KLHL20: variants seen among roughly 807,000 people sequenced by gnomAD.
The protein encoded by KLHL20 is kelch-like protein 20.
A neutral mutation model predicts 69.5 loss-of-function variants in KLHL20; 29 were observed. The observed-to-expected ratio is 0.42, with a 90% CI of 0.31 to 0.57. KLHL20 has a LOEUF of 0.57. Ranked by LOEUF, KLHL20 falls within the 20% of genes least tolerant of loss-of-function variation. KLHL20 has a pLI of 0.18. For missense variants in KLHL20, 419 were observed against 776.0 expected (o/e 0.54, Z 5.47); for synonymous variants, 253 against 265.2 (o/e 0.95, Z 0.45).
intron 7 of KLHL20, among the ~76,000 whole-genome samples, chr1:173,762,250 A>T (rs1647358570): frequency 6.6e-6 from 1 of 152,174 alleles, no homozygotes; most frequent in African/African-American, 2.4e-5. Flanking sequence ...ACAAAAAAAA[A>T]GTCCAGGACC....
At chr1:173,743,993 A>G (rs1168637106) in intron 3 of KLHL20, among the ~76,000 whole-genome samples, 2 of 152,124 alleles carry the variant, frequency 1.3e-5, no homozygotes, top group East Asian at 3.8e-4. Flanking sequence ...GAACATGTCA[A>G]TATTGTTGGA....
At position 173,735,531 on chromosome 1, in the gene KLHL20, G is replaced by C. The variant is rs562771995; in HGVS notation, c.597+1245G>C. Among the ~76,000 whole-genome samples the C allele has an allele frequency of 1.4e-4, 21 of 151,866 alleles. No homozygotes were observed. In the South Asian group the frequency reaches 3.1e-3, roughly 22 times the overall value. ...AGGGTTTTAAGCAAAGACAAAACAT[G>C]GTCTGTTTTACAACTTTTTAAAAAA... is the stretch of plus-strand genomic sequence containing the variant. On this transcript the variant is annotated intron_variant, in intron 3 of 11. Coordinates refer to ENST00000209884, the MANE Select transcript of KLHL20 (RefSeq NM_014458.4).
chr1:173,733,896 T>C lies in KLHL20; in HGVS notation c.207T>C (p.Asp69=), dbSNP rs1231416886. The change falls in exon 3 of 12, where the codon GAT becomes GAC. Residue 69 remains aspartate (D), a synonymous_variant. Transcript: ENST00000209884. The part of the protein sequence containing the change: ...NLLRKHRELC[D]VVLVVGAKKI... ...TGAGAAAGCACCGGGAGCTATGTGA[T>C]GTGGTGCTAGTTGTGGGCGCCAAGA... The C allele has an allele frequency of 6.2e-7, 1 of 1,614,180 alleles. No homozygotes were observed. The highest frequency in any genetic ancestry group is 1.1e-5 in the South Asian group (1 of 91,082).
intron 3 of KLHL20, among the ~76,000 whole-genome samples, chr1:173,739,969 G>T (rs1194149252): frequency 1.3e-5 from 2 of 151,760 alleles, no homozygotes; most frequent in African/African-American, 4.8e-5. Context: ...AGCTTATTTG[G>T]ATCTTCTCTC....
Position 173,785,601 on chromosome 1 carries a change from A to G in KLHL20, c.*354A>G, listed in dbSNP as rs1402550019. ...TGAAAATACTATTTAATAAGGGCAG[A>G]AGGGCTATATATGATTTGGCTATTA... On this transcript the variant is annotated 3_prime_UTR_variant, in exon 12 of 12. Transcript: ENST00000209884. 6.2e-6 allele frequency: 1 copy of G among 160,394 alleles called. No individual in the cohort carries two copies. Among genetic ancestry groups the G allele is most frequent in the African/African-American group, 2.4e-5 (1 of 41,582 alleles). 9.9% of individuals were successfully genotyped at this position (160,394 alleles called of 1,614,324 possible).
chr1:173,770,595 A>G (rs1233677647), intron 8 of KLHL20, among the ~76,000 whole-genome samples: 2 of 151,506 alleles, frequency 1.3e-5, no homozygotes, highest in Non-Finnish European at 2.9e-5. Flanking sequence ...TACTTGGGAG[A>G]CTTGAACCCG....
At chr1:173,717,722 C>T (rs1031359959) in intron 2 of KLHL20, among the ~76,000 whole-genome samples, 1 of 152,096 alleles carries the variant, frequency 6.6e-6, no homozygotes, top group African/African-American at 2.4e-5. Flanking sequence ...TAGCACCTAA[C>T]GATTACTGAA....
At chr1:173,761,162 G>T (rs898912268) in intron 7 of KLHL20, among the ~76,000 whole-genome samples, 1 of 152,192 alleles carries the variant, frequency 6.6e-6, no homozygotes, top group Non-Finnish European at 1.5e-5. Context: ...AATGGTAAAA[G>T]GCTTTGTCCG....
intron 10 of KLHL20, among the ~76,000 whole-genome samples, chr1:173,781,428 G>A (rs1648868449): frequency 6.6e-6 from 1 of 152,022 alleles, no homozygotes; most frequent in Non-Finnish European, 1.5e-5. Flanking sequence ...CAGTCCTCCT[G>A]CCTCAGCCTT....
At chr1:173,772,768 A>G (rs1648178567) in intron 8 of KLHL20, among the ~76,000 whole-genome samples, 4 of 152,176 alleles carry the variant, frequency 2.6e-5, no homozygotes, top group South Asian at 4.1e-4. Flanking sequence ...AAAGGAACCA[A>G]ACATGGTCTG....
At chr1:173,755,627 A>G (rs1180888548) in intron 5 of KLHL20, among the ~76,000 whole-genome samples, 1 of 152,228 alleles carries the variant, frequency 6.6e-6, no homozygotes, top group Non-Finnish European at 1.5e-5. Context: ...CAGTGTGGTA[A>G]TCAAATTGTA....
intron 3 of KLHL20, among the ~76,000 whole-genome samples, chr1:173,743,374 T>C (rs1163064911): frequency 1.3e-5 from 2 of 152,078 alleles, no homozygotes; most frequent in African/African-American, 2.4e-5. Flanking sequence ...CATTCTTTCC[T>C]TGCTCTATGA....
At chr1:173,780,547 G>C (rs1176009341) in intron 10 of KLHL20, among the ~76,000 whole-genome samples, 1 of 152,112 alleles carries the variant, frequency 6.6e-6, no homozygotes, top group Non-Finnish European at 1.5e-5. Context: ...TTGAAAGGCA[G>C]AGACAGGATT....
intron 8 of KLHL20, among the ~76,000 whole-genome samples, chr1:173,770,263 C>T (rs2102526260): frequency 6.6e-6 from 1 of 151,834 alleles, no homozygotes; most frequent in East Asian, 1.9e-4. Context: ...TAGAAAAATT[C>T]AGAAATGAAG....
intron 9 of KLHL20, 40 bp from the exon 10 acceptor site, chr1:173,775,594 T>C (rs1322921325): frequency 6.5e-7 from 1 of 1,541,830 alleles, no homozygotes; most frequent in Non-Finnish European, 8.9e-7. Flanking sequence ...TGAGAGGAAA[T>C]GGTTGAATGC....
At chr1:173,726,306 C>A (rs972925156) in intron 2 of KLHL20, among the ~76,000 whole-genome samples, 13 of 151,964 alleles carry the variant, frequency 8.6e-5, no homozygotes, top group Admixed American at 2.6e-4. Context: ...CCTCAGTAGA[C>A]TCCACCTCTG....
chr1:173,757,476 T>C (rs1049557356), intron 7 of KLHL20, among the ~76,000 whole-genome samples: 6 of 151,950 alleles, frequency 3.9e-5, no homozygotes, highest in African/African-American at 1.2e-4. Context: ...TGTTCTTTTT[T>C]CCCTGGGATA....
At chr1:173,756,094 T>A in intron 6 of KLHL20, 56 bp downstream of exon 6, 1 of 1,238,694 alleles carries the variant, frequency 8.1e-7, no homozygotes, top group Non-Finnish European at 1.2e-6. Context: ...TGAGAAACTG[T>A]CATTTGAAAA....
At chr1:173,729,789 C>T (rs1338628504) in intron 2 of KLHL20, among the ~76,000 whole-genome samples, 8 of 152,232 alleles carry the variant, frequency 5.3e-5, no homozygotes, top group East Asian at 3.9e-4. Context: ...ACTGGAAGCA[C>T]TCCCTTTGAA....
Sources: gnomAD v4.1 joint callset for allele counts (sites outside exome capture counted in the v4.1 genomes callset) on GRCh38, gnomAD v4.1.1 for gene constraint, MANE v1.5 for transcripts, NCBI Gene and HGNC (gene_info 2026-07-23, HGNC 2026-07-21) for gene names.